Variants in CDKAL1 observed in about 807,000 individuals in gnomAD.
CDKAL1 encodes the protein CDKAL1 threonylcarbamoyladenosine tRNA methylthiotransferase.
CDKAL1 carries 32 observed loss-of-function variants against 68.2 expected under a neutral mutation model. The observed-to-expected ratio is 0.47, with a 90% CI of 0.35 to 0.63. The LOEUF is 0.63. Among genes scored for constraint, CDKAL1 ranks in the 30% least tolerant of loss-of-function variants. The pLI is 0.00. For missense variants in CDKAL1, 606 were observed against 696.7 expected, an observed-to-expected ratio of 0.87 and a Z score of 1.47; for synonymous variants, 234 against 244.3, an observed-to-expected ratio of 0.96 and a Z score of 0.39.
intron 4 of CDKAL1, among the ~76,000 whole-genome samples, chr6:20,646,042 G>A (rs993142122): frequency 7.4e-5 from 10 of 135,936 alleles, no homozygotes; most frequent in South Asian, 4.6e-4. Context: ...GCTATTTCAC[G>A]GTTAAATTTT....
At chr6:21,209,977 T>C (rs774379676) in intron 15 of CDKAL1, among the ~76,000 whole-genome samples, 11 of 152,232 alleles carry the variant, frequency 7.2e-5, no homozygotes, top group Non-Finnish European at 1.5e-4. Flanking sequence ...TGACACTGTA[T>C]GCATCAAAGA....
chr6:20,881,997 T>G (rs1760847547), intron 9 of CDKAL1, among the ~76,000 whole-genome samples: 1 of 152,216 alleles, frequency 6.6e-6, no homozygotes, highest in African/African-American at 2.4e-5. Flanking sequence ...GGTTTTGCCC[T>G]TTCCAGATAT....
intron 5 of CDKAL1, among the ~76,000 whole-genome samples, chr6:20,681,688 C>T (rs1195758988): frequency 6.6e-6 from 1 of 152,060 alleles, no homozygotes; most frequent in Non-Finnish European, 1.5e-5. Flanking sequence ...CAGGAAAGCA[C>T]TTGTCTTCTG....
chr6:20,665,079 G>A (rs1319908047), intron 5 of CDKAL1, among the ~76,000 whole-genome samples: 1 of 152,052 alleles, frequency 6.6e-6, no homozygotes, highest in African/African-American at 2.4e-5. Flanking sequence ...GGTTGGGGGA[G>A]TGATCTTATC....
intron 8 of CDKAL1, among the ~76,000 whole-genome samples, chr6:20,835,527 T>C (rs1777901662): frequency 6.6e-6 from 1 of 151,760 alleles, no homozygotes; most frequent in African/African-American, 2.4e-5. Context: ...TTGTCTTTTG[T>C]CTTGTCTTGT....
rs1779953368 is a variant in CDKAL1, at chr6:21,230,984, T to G, written c.1685T>G (p.Val562Gly). 2 of 1,613,136 alleles carry G rather than the reference T, an allele frequency of 1.2e-6. No individual in the cohort carries two copies. The highest frequency in any genetic ancestry group is 1.7e-5 in the Admixed American group (1 of 59,970). Residue 562 changes from valine to glycine, a missense_variant, in exon 16 of 16, where the codon GTG becomes GGG. Transcript: ENST00000274695. ...LHQDCALRMS[V>G]GLALLGLLFA... ...CAAGACTGTGCGCTGAGGATGTCCG[T>G]GGGCTTGGCTCTGCTGGGTCTTCTT...
At chr6:21,062,441 T>G (rs1292320147) in intron 11 of CDKAL1, among the ~76,000 whole-genome samples, 3 of 152,240 alleles carry the variant, frequency 2.0e-5, no homozygotes, top group Non-Finnish European at 4.4e-5. Context: ...AGCTTACATG[T>G]AAAATCATAT....
intron 5 of CDKAL1, among the ~76,000 whole-genome samples, chr6:20,668,532 C>G (rs550508127): frequency 1.2e-4 from 18 of 152,234 alleles, no homozygotes; most frequent in South Asian, 8.3e-4. Context: ...TAGTTGTTGA[C>G]TATGTAGAGT....
At chr6:20,929,656 A>G (rs1469191529) in intron 9 of CDKAL1, among the ~76,000 whole-genome samples, 1 of 152,192 alleles carries the variant, frequency 6.6e-6, no homozygotes, top group Non-Finnish European at 1.5e-5. Flanking sequence ...CGGGTGTATT[A>G]TTATCAGGAT....
intron 5 of CDKAL1, among the ~76,000 whole-genome samples, chr6:20,669,791 C>G (rs996774517): frequency 6.6e-6 from 1 of 152,102 alleles, no homozygotes; most frequent in Admixed American, 6.5e-5. Context: ...TGAAGAAGCC[C>G]TGGTTCCTTT....
At chr6:21,173,359 C>T (rs1373498234) in intron 13 of CDKAL1, among the ~76,000 whole-genome samples, 1 of 151,902 alleles carries the variant, frequency 6.6e-6, no homozygotes, top group East Asian at 1.9e-4. Flanking sequence ...ATTTTTCAAT[C>T]GACTTGTTTG....
intron 4 of CDKAL1, among the ~76,000 whole-genome samples, chr6:20,556,483 A>G (rs915306711): frequency 3.3e-5 from 5 of 152,204 alleles, no homozygotes; most frequent in East Asian, 1.9e-4. Flanking sequence ...TGGAACCTCA[A>G]TAGGATATTT....
chr6:21,061,416 G>A (rs1026519386), intron 11 of CDKAL1, among the ~76,000 whole-genome samples: 3 of 151,890 alleles, frequency 2.0e-5, no homozygotes, highest in Non-Finnish European at 4.4e-5. Flanking sequence ...TCCTAAAATT[G>A]AATAACATAT....
intron 13 of CDKAL1, among the ~76,000 whole-genome samples, chr6:21,195,331 T>G (rs1198107170): frequency 6.6e-6 from 1 of 151,924 alleles, no homozygotes; most frequent in Non-Finnish European, 1.5e-5. Flanking sequence ...CCTGGCTAAC[T>G]TTTGTATTTT....
At chr6:20,864,386 T>C (rs1243344404) in intron 9 of CDKAL1, among the ~76,000 whole-genome samples, 2 of 152,152 alleles carry the variant, frequency 1.3e-5, no homozygotes, top group African/African-American at 4.8e-5. Flanking sequence ...AAGGTTAGTG[T>C]GCCTGTTAAT....
chr6:20,685,930 G>A (rs1353664851), intron 5 of CDKAL1, among the ~76,000 whole-genome samples: 1 of 151,980 alleles, frequency 6.6e-6, no homozygotes, highest in African/African-American at 2.4e-5. Context: ...TATTTTGTTA[G>A]GGTTATTCCT....
chr6:20,675,415 T>C (rs1219914434), intron 5 of CDKAL1, among the ~76,000 whole-genome samples: 1 of 152,126 alleles, frequency 6.6e-6, no homozygotes, highest in Non-Finnish European at 1.5e-5. Flanking sequence ...ATTGGGGCAA[T>C]TTTGGTAATC....
At chr6:21,130,875 C>T (rs1285592321) in intron 13 of CDKAL1, among the ~76,000 whole-genome samples, 1 of 152,144 alleles carries the variant, frequency 6.6e-6, no homozygotes, top group African/African-American at 2.4e-5. Context: ...CAGAAATTGC[C>T]AATGCCAGGA....
At chr6:20,830,485 T>C (rs1777671475) in intron 8 of CDKAL1, among the ~76,000 whole-genome samples, 1 of 152,206 alleles carries the variant, frequency 6.6e-6, no homozygotes, top group South Asian at 2.1e-4. Context: ...TTTTAATAAA[T>C]AAATTTTAGA....
Sources: allele counts gnomAD v4.1 joint callset (sites outside exome capture counted in the v4.1 genomes callset), GRCh38; gene constraint gnomAD v4.1.1; transcripts MANE v1.5; gene names NCBI Gene and HGNC (gene_info 2026-07-23, HGNC 2026-07-21).